Variants in CLEC19A observed in about 807,000 individuals in gnomAD.
CLEC19A encodes C-type lectin domain family 19 member A.
CLEC19A carries 21 observed loss-of-function variants against 26.1 expected under a neutral mutation model. That is an observed-to-expected ratio of 0.80 (90% CI 0.57 to 1.16). CLEC19A has a LOEUF of 1.16. Among genes scored for constraint, CLEC19A ranks in the 50% most tolerant of loss-of-function variants. The pLI, the probability that CLEC19A is intolerant of heterozygous loss-of-function variation, is 0.00. For synonymous variants in CLEC19A, 89 were observed against 88.6 expected (o/e 1.00, Z -0.03); for missense variants, 224 against 227.6 (o/e 0.98, Z 0.10).
chr16:19,303,970 A>C, intron 2 of CLEC19A, 92 bp from the exon 3 acceptor site: 3 of 1,066,858 alleles, frequency 2.8e-6, no homozygotes, highest in Middle Eastern at 2.0e-4. Context: ...ACTTTGGTCC[A>C]GGAAGGTAAA....
At chr16:19,304,534 C>A (rs1355556745) in intron 3 of CLEC19A, 1 of 174,254 alleles carries the variant, frequency 5.7e-6, no homozygotes, top group African/African-American at 2.4e-5. Flanking sequence ...AACCTCGTCT[C>A]TACTAAAAAT....
chr16:19,303,771 ATATCT>A (rs1897885582), intron 2 of CLEC19A: 1 of 293,506 alleles, frequency 3.4e-6, no homozygotes, highest in South Asian at 7.0e-5. Flanking sequence ...TCTCTTCATC[ATATCT>A]TCAATATAAT....
In CLEC19A at chr16:19,310,707, C is replaced by CAT. The variant is rs1320364463; in HGVS notation, c.*1631_*1632dup. On this transcript the variant is annotated 3_prime_UTR_variant, in exon 5 of 5. Transcript: ENST00000636231. ...CAAAAGACCACATGTTGTATGATTC[C>CAT]ATATATATGAAATATCCAGAATAGG... The CAT allele has an allele frequency of 3.9e-5, 6 of 152,132 alleles. No homozygotes were observed. The highest frequency in any genetic ancestry group is 1.4e-4 in the African/African-American group (6 of 41,400). The allele number at this position is 152,132 out of a possible 1,614,324, so 9.4% of individuals were successfully genotyped here.
In CLEC19A at chr16:19,295,331, T is replaced by C. The variant is rs996641311; in HGVS notation, c.89-3342T>C. 2.6e-5 allele frequency among the ~76,000 whole-genome samples: 4 copies of C among 151,924 alleles called. No individual in the cohort carries two copies. In the South Asian group the frequency reaches 8.3e-4, roughly 32 times the overall value. ...CTCAATCGATCCTCCCACCTCAGAG[T>C]AGCTAGGACTACAGGCACACTCCAC... On this transcript the variant is annotated intron_variant, in intron 1 of 4. Coordinates refer to ENST00000636231, the MANE Select transcript of CLEC19A (RefSeq NM_001256720.2).
rs1305239377 is a variant in CLEC19A at position 19,309,090 on chromosome 16, C to A, written c.*7C>A. On this transcript the variant is annotated 3_prime_UTR_variant, in exon 5 of 5. Coordinates refer to ENST00000636231, the MANE Select transcript of CLEC19A (RefSeq NM_001256720.2). Reference sequence around the variant, plus strand: ...ATCTCTGACCATTCATTGATCCTGTCTTGTCCTACTGGTGTGAGCTCAACT... The same window carrying A: ...ATCTCTGACCATTCATTGATCCTGTATTGTCCTACTGGTGTGAGCTCAACT... 1.3e-6 allele frequency: 2 copies of A among 1,545,802 alleles called. No homozygotes were observed. The highest frequency in any genetic ancestry group is 1.4e-5 in the African/African-American group (1 of 72,912).
chr16:19,303,474 T>C (rs1042450878), intron 2 of CLEC19A, among the ~76,000 whole-genome samples: 1 of 152,168 alleles, frequency 6.6e-6, no homozygotes, highest in African/African-American at 2.4e-5. Flanking sequence ...CTCTTTGAAA[T>C]AGAGGATAAG....
At chr16:19,305,916 T>C (rs898597060) in intron 3 of CLEC19A, among the ~76,000 whole-genome samples, 4 of 152,084 alleles carry the variant, frequency 2.6e-5, no homozygotes, top group Non-Finnish European at 4.4e-5. Context: ...CAATCTTGGC[T>C]CGCTGCAACC....
rs540195358 is a variant in CLEC19A at position 19,309,619 on chromosome 16, T to C, written c.*536T>C. 6.6e-6 allele frequency: 1 copy of C among 152,324 alleles called. No homozygotes were observed. Among genetic ancestry groups the C allele is most frequent in the Admixed American group, 6.5e-5 (1 of 15,286 alleles). The allele number at this position is 152,324 out of a possible 1,614,324, so 9.4% of individuals were successfully genotyped here. A position where few individuals can be genotyped will look rare whatever the true frequency, so the allele number is the denominator to read the frequency against. Reference sequence around the variant, plus strand: ...AATAATGTATTGTATTCCTGAAATTTGCTACGAGAGTAATTTTTTTTTTTG... The same window carrying C: ...AATAATGTATTGTATTCCTGAAATTCGCTACGAGAGTAATTTTTTTTTTTG... On this transcript the variant is annotated 3_prime_UTR_variant, in exon 5 of 5. Coordinates refer to ENST00000636231, the MANE Select transcript of CLEC19A (RefSeq NM_001256720.2).
At chr16:19,295,556 T>C (rs1387073586) in intron 1 of CLEC19A, among the ~76,000 whole-genome samples, 1 of 152,018 alleles carries the variant, frequency 6.6e-6, no homozygotes, top group East Asian at 1.9e-4. Flanking sequence ...GATGGCTTGG[T>C]CACCCTACTT....
chr16:19,301,749 T>TG (rs1897835030), intron 2 of CLEC19A, among the ~76,000 whole-genome samples: 6 of 126,220 alleles, frequency 4.8e-5, no homozygotes, highest in African/African-American at 1.9e-4. Context: ...TTTTTTTTTT[T>TG]TTTTTTTTTT....
At chr16:19,298,864 A>G (rs1159507540) in intron 2 of CLEC19A, 26 bp downstream of exon 2, 1 of 1,536,174 alleles carries the variant, frequency 6.5e-7, no homozygotes, top group African/African-American at 1.4e-5. Flanking sequence ...AGTGCCCCAT[A>G]GTTCAACTAA....
Position 19,309,229 on chromosome 16 carries a change from A to G in CLEC19A, c.*146A>G, listed in dbSNP as rs1306425714. 6.6e-6 allele frequency: 4 copies of G among 604,840 alleles called. No homozygotes were observed. In the East Asian group the frequency reaches 1.3e-4, roughly 19 times the overall value. 37.5% of individuals were successfully genotyped at this position (604,840 alleles called of 1,614,324 possible). A position where few individuals can be genotyped will look rare whatever the true frequency, so the allele number is the denominator to read the frequency against. On this transcript the variant is annotated 3_prime_UTR_variant, in exon 5 of 5. Coordinates refer to ENST00000636231, the MANE Select transcript of CLEC19A (RefSeq NM_001256720.2). ...TTTTAAACAAGCAGATCTTAATTAT[A>G]CAGGGTGGTCACTTGGCCAAGTGTC...
intron 1 of CLEC19A, among the ~76,000 whole-genome samples, chr16:19,290,689 G>A (rs912547170): frequency 2.6e-5 from 4 of 152,168 alleles, no homozygotes; most frequent in African/African-American, 4.8e-5. Flanking sequence ...TGGGGACAGG[G>A]CAGCCACCAA....
chr16:19,303,984 G>C, intron 2 of CLEC19A, 78 bp from the exon 3 acceptor site: 1 of 1,215,252 alleles, frequency 8.2e-7, no homozygotes, highest in Non-Finnish European at 1.2e-6. Flanking sequence ...AGGTAAATAT[G>C]GATTGCTTTC....
rs1898050198 is a variant in CLEC19A at position 19,310,607 on chromosome 16, C to T, written c.*1524C>T. ...TCTATTCATAGGGTGGAATATTATTCAAGCATAAAAAGGAATGAAGTAACG... is the reference window on the plus strand; with the variant it reads ...TCTATTCATAGGGTGGAATATTATTTAAGCATAAAAAGGAATGAAGTAACG... On this transcript the variant is annotated 3_prime_UTR_variant, in exon 5 of 5. Coordinates refer to ENST00000636231, the MANE Select transcript of CLEC19A (RefSeq NM_001256720.2). The T allele has an allele frequency of 6.6e-6, 1 of 152,146 alleles. No homozygotes were observed. Among genetic ancestry groups the T allele is most frequent in the South Asian group, 2.1e-4 (1 of 4,832 alleles). 9.4% of individuals were successfully genotyped at this position (152,146 alleles called of 1,614,324 possible).
intron 2 of CLEC19A, 174 bp from the exon 3 acceptor site, chr16:19,303,888 C>T (rs2143010833): frequency 1.8e-6 from 1 of 560,312 alleles, no homozygotes; most frequent in Non-Finnish European, 3.2e-6. Flanking sequence ...TCCAGAGATG[C>T]CCATGTAGGA....
At chr16:19,307,963 T>C (rs1897992559) in intron 4 of CLEC19A, among the ~76,000 whole-genome samples, 1 of 152,184 alleles carries the variant, frequency 6.6e-6, no homozygotes. Context: ...AAGACTTGTA[T>C]AGAGAGTAGT....
rs1397281966 is a variant in CLEC19A, at chr16:19,304,081, G to A, written c.274G>A (p.Val92Ile). The A allele has an allele frequency of 6.4e-7, 1 of 1,550,462 alleles. No individual in the cohort carries two copies. Among genetic ancestry groups the A allele is most frequent in the Non-Finnish European group, 8.7e-7 (1 of 1,146,908 alleles). Residue 92 changes from valine (V) to isoleucine (I), a missense_variant, in exon 3 of 5, where the codon GTA (valine) becomes ATA (isoleucine). Coordinates refer to ENST00000636231, the MANE Select transcript of CLEC19A (RefSeq NM_001256720.2). ...SIHSWEENVF[V>I]YDLVNSCVPG... is the part of the protein sequence containing the mutation. ...TCGCAGCTGGGAGGAGAATGTCTTT[G>A]TATATGACCTCGTGAACAGCTGTGT...
chr16:19,301,365 C>T (rs940727789), intron 2 of CLEC19A, among the ~76,000 whole-genome samples: 7 of 152,070 alleles, frequency 4.6e-5, no homozygotes, highest in East Asian at 3.9e-4. Context: ...GATTGGGAAG[C>T]GTAGGGAATG....
Sources: gnomAD v4.1 joint callset for allele counts (sites outside exome capture counted in the v4.1 genomes callset) on GRCh38, gnomAD v4.1.1 for gene constraint, MANE v1.5 for transcripts, NCBI Gene and HGNC (gene_info 2026-07-23, HGNC 2026-07-21) for gene names.